DLGAP2: variants seen among roughly 807,000 people sequenced by gnomAD.
DLGAP2 encodes the protein disks large-associated protein 2.
In DLGAP2, 26 loss-of-function variants were observed where a neutral mutation model predicts 100.3. The ratio of observed to expected loss-of-function variants is 0.26; its 90% CI spans 0.19 to 0.36. The LOEUF is 0.36. DLGAP2 is among the 10% of genes least tolerant of loss of function. The pLI is 1.00. For missense variants in DLGAP2, 1,858 were observed against 1,453.2 expected (o/e 1.28, Z -4.53); for synonymous variants, 886 against 630.1 (o/e 1.41, Z -6.08).
At chr8:1,549,988 C>T (rs1801705926) in intron 5 of DLGAP2, among the ~76,000 whole-genome samples, 2 of 152,206 alleles carry the variant, frequency 1.3e-5, no homozygotes, top group African/African-American at 2.4e-5. Context: ...CCCCTCCTCA[C>T]TGAAATGTTG....
chr8:751,614 T>C (rs1034803735), intron 1 of DLGAP2, among the ~76,000 whole-genome samples: 3 of 87,990 alleles, frequency 3.4e-5, no homozygotes, highest in Non-Finnish European at 1.0e-4. Context: ...TCTGACACTT[T>C]ATAGTAAGTC....
chr8:1,615,284 C>T (rs894842413), intron 6 of DLGAP2, among the ~76,000 whole-genome samples: 2 of 152,196 alleles, frequency 1.3e-5, no homozygotes, highest in African/African-American at 2.4e-5. Context: ...ACCCCAGCAA[C>T]GCACGAGCCA....
intron 3 of DLGAP2, among the ~76,000 whole-genome samples, chr8:1,460,096 G>A (rs902977678): frequency 3.9e-5 from 6 of 152,244 alleles, no homozygotes; most frequent in Non-Finnish European, 7.3e-5. Context: ...TGAGCAGGAA[G>A]GACGCTGGCA....
chr8:1,680,772 A>G (rs1798925072), intron 12 of DLGAP2: 1 of 152,252 alleles, frequency 6.6e-6, no homozygotes, highest in Non-Finnish European at 1.5e-5. Context: ...CCTTGTTAGT[A>G]TATGCCTCAA....
chr8:1,287,668 G>T (rs1399711377), intron 3 of DLGAP2, among the ~76,000 whole-genome samples: 2 of 124,996 alleles, frequency 1.6e-5, no homozygotes, highest in Non-Finnish European at 3.3e-5. Context: ...GTATGGTTCT[G>T]TTAGGAGGGG....
chr8:889,048 G>A (rs1563080984), intron 1 of DLGAP2, among the ~76,000 whole-genome samples: 1 of 152,304 alleles, frequency 6.6e-6, no homozygotes, highest in African/African-American at 2.4e-5. Context: ...CAGTCAAAGG[G>A]GGGTTGTTCT....
In DLGAP2 at chr8:1,479,953, T is replaced by C. The variant is rs530759656; in HGVS notation, c.107-21413T>C. ...AATTGGGTAGTGCTGGCGTGACTTT[T>C]GTTTTTCATGAGAGCTCCAGTCCCT... On this transcript the variant is annotated intron_variant, in intron 3 of 14. Coordinates refer to ENST00000637795, the MANE Select transcript of DLGAP2 (RefSeq NM_001346810.2). Among the ~76,000 whole-genome samples the C allele has an allele frequency of 3.3e-5, 5 of 152,342 alleles. No individual in the cohort carries two copies. The East Asian group carries it at 7.7e-4, about 24-fold the overall frequency.
intron 2 of DLGAP2, among the ~76,000 whole-genome samples, chr8:1,143,431 C>A (rs139585740): frequency 1.3e-5 from 2 of 152,180 alleles, no homozygotes; most frequent in African/African-American, 4.8e-5. Context: ...TTTGGTTCCA[C>A]GGTTTCTTTC....
At chr8:907,020 A>G (rs1481071556) in intron 1 of DLGAP2, among the ~76,000 whole-genome samples, 1 of 152,176 alleles carries the variant, frequency 6.6e-6, no homozygotes, top group African/African-American at 2.4e-5. Context: ...GGTTTCATCC[A>G]TTGCATTTAT....
At chr8:1,037,762 A>G (rs1373331160) in intron 2 of DLGAP2, among the ~76,000 whole-genome samples, 2 of 152,138 alleles carry the variant, frequency 1.3e-5, no homozygotes, top group African/African-American at 4.8e-5. Flanking sequence ...TAAAATATCC[A>G]AGCAGGCTGG....
At chr8:1,258,088 G>C (rs1038611734) in intron 2 of DLGAP2, among the ~76,000 whole-genome samples, 2 of 152,230 alleles carry the variant, frequency 1.3e-5, no homozygotes, top group African/African-American at 4.8e-5. Flanking sequence ...GCAGAGCCAA[G>C]TTCATAGTCA....
chr8:1,139,709 C>T (rs1212832700), intron 2 of DLGAP2, among the ~76,000 whole-genome samples: 1 of 152,206 alleles, frequency 6.6e-6, no homozygotes. Flanking sequence ...TGGCACCCGA[C>T]AGGCCCCTGT....
chr8:1,465,939 G>A (rs1282047692), intron 3 of DLGAP2, among the ~76,000 whole-genome samples: 2 of 152,284 alleles, frequency 1.3e-5, no homozygotes, highest in East Asian at 1.9e-4. Flanking sequence ...TCCCTGCCTT[G>A]GGGAGAGAAA....
chr8:1,057,063 C>T (rs1802903533), intron 2 of DLGAP2, among the ~76,000 whole-genome samples: 1 of 152,224 alleles, frequency 6.6e-6, no homozygotes, highest in Non-Finnish European at 1.5e-5. Context: ...TGAGGAACTA[C>T]TGTGAGATAC....
At chr8:1,084,502 CT>C (rs1487148712) in intron 2 of DLGAP2, among the ~76,000 whole-genome samples, 1 of 152,244 alleles carries the variant, frequency 6.6e-6, no homozygotes, top group African/African-American at 2.4e-5. Context: ...CTGTCCGAGG[CT>C]TTGTACCCTC....
chr8:1,238,713 T>C (rs1798721439), intron 2 of DLGAP2, among the ~76,000 whole-genome samples: 1 of 77,248 alleles, frequency 1.3e-5, no homozygotes, highest in Admixed American at 1.3e-4. Flanking sequence ...ACACAGAGCA[T>C]CATGTCTAGT....
chr8:1,529,143 G>T (rs1800897648), intron 4 of DLGAP2, among the ~76,000 whole-genome samples: 2 of 152,158 alleles, frequency 1.3e-5, no homozygotes, highest in Non-Finnish European at 2.9e-5. Context: ...GAGGCCTCAG[G>T]AAACTTACAA....
At chr8:764,440 C>T (rs1481242348) in intron 1 of DLGAP2, among the ~76,000 whole-genome samples, 2 of 152,146 alleles carry the variant, frequency 1.3e-5, no homozygotes, top group East Asian at 1.9e-4. Context: ...TTTGTCACTT[C>T]GCTGTTTAAA....
At chr8:924,047 C>T (rs1283813907) in intron 2 of DLGAP2, among the ~76,000 whole-genome samples, 1 of 152,178 alleles carries the variant, frequency 6.6e-6, no homozygotes, top group African/African-American at 2.4e-5. Flanking sequence ...TGACAGCATC[C>T]ATTGCGTATT....
Sources: gnomAD v4.1 joint callset for allele counts (sites outside exome capture counted in the v4.1 genomes callset) on GRCh38, gnomAD v4.1.1 for gene constraint, MANE v1.5 for transcripts, NCBI Gene and HGNC (gene_info 2026-07-23, HGNC 2026-07-21) for gene names.